Variants in STK3 observed in about 807,000 individuals in gnomAD.
STK3 encodes serine/threonine kinase 3.
In STK3, 41 loss-of-function variants were observed where a neutral mutation model predicts 58.0. The ratio of observed to expected loss-of-function variants is 0.71; its 90% CI spans 0.55 to 0.92. The LOEUF is 0.92. Among genes scored for constraint, STK3 ranks in the 40% least tolerant of loss-of-function variants. STK3 has a pLI of 0.00. For missense variants in STK3, 479 were observed against 602.7 expected, an observed-to-expected ratio of 0.79 and a Z score of 2.15; for synonymous variants, 170 against 191.0, an observed-to-expected ratio of 0.89 and a Z score of 0.91.
At chr8:98,757,243 C>T (rs1247913078) in intron 3 of STK3, among the ~76,000 whole-genome samples, 4 of 151,010 alleles carry the variant, frequency 2.6e-5, no homozygotes, top group African/African-American at 4.8e-5. Flanking sequence ...TGCATTGGCG[C>T]GATCTCGGCT....
At chr8:98,778,430 T>C (rs1200096137) in intron 1 of STK3, among the ~76,000 whole-genome samples, 2 of 152,028 alleles carry the variant, frequency 1.3e-5, no homozygotes, top group Admixed American at 1.3e-4. Context: ...ACACTGTTGG[T>C]GGGACTGTAA....
At chr8:98,377,189 C>G (rs1563587491) in intron 2 of STK3, among the ~76,000 whole-genome samples, 1 of 152,190 alleles carries the variant, frequency 6.6e-6, no homozygotes, top group South Asian at 2.1e-4. Flanking sequence ...TCCCTCCCAG[C>G]ACCTCTCATC....
chr8:98,610,438 C>A (rs1817107481), intron 6 of STK3, among the ~76,000 whole-genome samples: 1 of 152,144 alleles, frequency 6.6e-6, no homozygotes. Context: ...CAAAGTGCAA[C>A]AATAATTCAA....
chr8:98,841,835 C>A (rs1310662386), intron 3 of STK3, among the ~76,000 whole-genome samples: 1 of 151,874 alleles, frequency 6.6e-6, no homozygotes, highest in East Asian at 1.9e-4. Flanking sequence ...AATAGGACTT[C>A]AACAATCAGG....
In STK3 at chr8:98,557,756, T is replaced by C. The variant is rs149777383; in HGVS notation, c.949-9595A>G. 6.8e-3 allele frequency among the ~76,000 whole-genome samples: 1,029 copies of C among 152,268 alleles called. 7 individuals are homozygous for C. Among genetic ancestry groups the C allele is most frequent in the African/African-American group, 0.023 (964 of 41,570 alleles). On this transcript the variant is annotated intron_variant, in intron 8 of 10. Transcript: ENST00000419617. ...ACTACGAAATCAGCTTAATAGCTTA[T>C]ACAGCTGCTGTCTTTGACATACCTG...
chr8:98,837,489 C>G (rs964359220), intron 3 of STK3, among the ~76,000 whole-genome samples: 1 of 152,050 alleles, frequency 6.6e-6, no homozygotes, highest in Admixed American at 6.6e-5. Context: ...CCAGAACAAG[C>G]TGAAGATCTC....
chr8:98,900,430 AC>A (rs1192368170), intron 1 of STK3, among the ~76,000 whole-genome samples: 1 of 152,124 alleles, frequency 6.6e-6, no homozygotes, highest in Non-Finnish European at 1.5e-5. Context: ...ATTGAACATT[AC>A]CACAAGCACA....
At chr8:98,468,661 C>G (rs1337010530) in intron 10 of STK3, among the ~76,000 whole-genome samples, 1 of 152,170 alleles carries the variant, frequency 6.6e-6, no homozygotes, top group East Asian at 1.9e-4. Flanking sequence ...ATAAGTCCTG[C>G]TAGTTATTAA....
chr8:98,701,127 G>A (rs1825568328), intron 6 of STK3, among the ~76,000 whole-genome samples: 2 of 144,178 alleles, frequency 1.4e-5, no homozygotes, highest in South Asian at 5.0e-4. Flanking sequence ...CTGTGATTGT[G>A]CCACTGCACT....
At chr8:98,689,238 T>G (rs1445603702) in intron 6 of STK3, among the ~76,000 whole-genome samples, 1 of 151,656 alleles carries the variant, frequency 6.6e-6, no homozygotes, top group Non-Finnish European at 1.5e-5. Flanking sequence ...GACCAACAAG[T>G]AACAAGATTC....
intron 6 of STK3, among the ~76,000 whole-genome samples, chr8:98,621,316 AT>A (rs1222422403): frequency 2.6e-5 from 4 of 152,004 alleles, no homozygotes; most frequent in African/African-American, 9.7e-5. Flanking sequence ...ATTCATTGGT[AT>A]TTTCTATGTA....
At chr8:98,674,938 A>G (rs1362666094) in intron 6 of STK3, among the ~76,000 whole-genome samples, 1 of 152,214 alleles carries the variant, frequency 6.6e-6, no homozygotes, top group East Asian at 1.9e-4. Context: ...TAAACAACAA[A>G]AGAGAAAACT....
chr8:98,431,857 A>G (rs1470744800), intron 3 of STK3: 1 of 167,072 alleles, frequency 6.0e-6, no homozygotes, highest in East Asian at 1.9e-4. Flanking sequence ...ACATACATAT[A>G]TACTTATATA....
rs181505105 is a variant in STK3 at position 98,908,858 on chromosome 8, A to G, written c.-78-25024T>C. On this transcript the variant is annotated intron_variant, in intron 1 of 1. Transcript: ENST00000519420. The stretch of plus-strand genomic sequence containing the variant: ...GACTTCTTCTCAAAAAAAAAAAAAA[A>G]AAAAAAGAAAAACAAGGCTGGGAGA... Among the ~76,000 whole-genome samples the G allele has an allele frequency of 1.3e-3, 201 of 150,402 alleles. 2 individuals are homozygous for G. The East Asian group carries it at 0.013, about 10-fold the overall frequency.
At chr8:98,703,496 T>C (rs1453563202) in intron 6 of STK3, among the ~76,000 whole-genome samples, 6 of 152,192 alleles carry the variant, frequency 3.9e-5, no homozygotes, top group African/African-American at 1.4e-4. Context: ...CTTTATCTCC[T>C]CTCTAACCTC....
the STK3 span, among the ~76,000 whole-genome samples, chr8:98,361,081 CTG>C: frequency 1.3e-5 from 2 of 152,180 alleles, no homozygotes; most frequent in Non-Finnish European, 2.9e-5. Context: ...ACCCAAAACC[CTG>C]CAGAATGTAT....
intron 10 of STK3, among the ~76,000 whole-genome samples, chr8:98,456,233 C>T (rs781558304): frequency 1.3e-5 from 2 of 152,190 alleles, no homozygotes; most frequent in Admixed American, 1.3e-4. Context: ...CAATCCGATC[C>T]TCTGCCTTTA....
At chr8:98,494,157 T>C (rs575213351) in intron 10 of STK3, among the ~76,000 whole-genome samples, 4 of 152,208 alleles carry the variant, frequency 2.6e-5, no homozygotes, top group East Asian at 1.9e-4. Flanking sequence ...TTGTAAGGTA[T>C]AAACGCTGCT....
downstream of STK3, among the ~76,000 whole-genome samples, chr8:98,367,379 G>T (rs539964619): frequency 5.3e-5 from 8 of 152,300 alleles, no homozygotes; most frequent in African/African-American, 1.4e-4. Context: ...ATAATCTTTG[G>T]ATCGCTCCCC....
Sources: gnomAD v4.1 joint callset for allele counts (sites outside exome capture counted in the v4.1 genomes callset) on GRCh38, gnomAD v4.1.1 for gene constraint, MANE v1.5 for transcripts, NCBI Gene and HGNC (gene_info 2026-07-23, HGNC 2026-07-21) for gene names.